MRPL3: variants seen among roughly 807,000 people sequenced by gnomAD.
MRPL3 encodes the protein mitochondrial ribosomal protein L3, also known as large ribosomal subunit protein uL3m.
A neutral mutation model predicts 44.3 loss-of-function variants in MRPL3; 43 were observed. That is an observed-to-expected ratio of 0.97 (90% CI 0.76 to 1.25). MRPL3 has a LOEUF of 1.25. Among genes scored for constraint, MRPL3 ranks in the 50% most tolerant of loss-of-function variants. MRPL3 has a pLI of 0.00. For synonymous variants in MRPL3, 171 were observed against 152.3 expected (o/e 1.12, Z -0.91); for missense variants, 406 against 427.6 (o/e 0.95, Z 0.45).
intron 7 of MRPL3, among the ~76,000 whole-genome samples, chr3:131,470,480 T>C (rs777195040): frequency 1.3e-5 from 2 of 152,192 alleles, no homozygotes; most frequent in African/African-American, 2.4e-5. Flanking sequence ...TACCTCATCA[T>C]GGCATTAGAT....
intron 4 of MRPL3, among the ~76,000 whole-genome samples, chr3:131,490,931 T>C (rs745749570): frequency 6.6e-5 from 10 of 152,224 alleles, no homozygotes; most frequent in Non-Finnish European, 1.5e-4. Flanking sequence ...CATACTTTTA[T>C]TAAAAGCACT....
At chr3:131,490,135 AATGC>A in intron 4 of MRPL3, 55 bp from the exon 5 acceptor site, 1 of 1,256,032 alleles carries the variant, frequency 8.0e-7, no homozygotes, top group Non-Finnish European at 1.2e-6. Context: ...AGTGGAATTA[AATGC>A]ATGGAGATCT....
Position 131,501,597 on chromosome 3 carries a change from C to G in MRPL3, c.211G>C (p.Ala71Pro). ...IKQLVSDEDKAQLASKLCPLK... is the reference protein window; with the variant it reads ...IKQLVSDEDKPQLASKLCPLK... Reference sequence around the variant, plus strand: ...GGACACAGTTTACTTGCTAATTGGGCTTTATCTTCATCAGAGACCAACTGC... The same window carrying G: ...GGACACAGTTTACTTGCTAATTGGGGTTTATCTTCATCAGAGACCAACTGC... Residue 71 changes from alanine (A) to proline (P), a missense_variant, in exon 2 of 10, where the codon GCC becomes CCC. Ala to Pro is a conservative substitution (Grantham distance 27). Coordinates refer to ENST00000264995, the MANE Select transcript of MRPL3 (RefSeq NM_007208.4). 6.2e-7 allele frequency: 1 copy of G among 1,612,346 alleles called. No homozygotes were observed. Among genetic ancestry groups the G allele is most frequent in the Non-Finnish European group, 8.5e-7 (1 of 1,179,980 alleles).
Position 131,475,171 on chromosome 3 carries a change from C to T in MRPL3, c.630-3892G>A, listed in dbSNP as rs1319797213. ...TATTTTTAACAGAGTGTTCCCTAAC[C>T]CCACCAACGTTAGCTATTATTATAT... is the stretch of plus-strand genomic sequence containing the variant. On this transcript the variant is annotated intron_variant, in intron 6 of 9. Transcript: ENST00000264995. 2.0e-5 allele frequency among the ~76,000 whole-genome samples: 3 copies of T among 151,892 alleles called. No homozygotes were observed. The East Asian group carries it at 5.8e-4, about 29-fold the overall frequency.
intron 4 of MRPL3, among the ~76,000 whole-genome samples, chr3:131,491,249 C>A (rs1204418813): frequency 2.0e-5 from 3 of 152,092 alleles, no homozygotes; most frequent in African/African-American, 7.2e-5. Context: ...GCTTGTCATT[C>A]ACCAAGGATC....
intron 3 of MRPL3, 21 bp downstream of exon 3, chr3:131,500,409 C>T (rs773127393): frequency 7.0e-6 from 11 of 1,577,466 alleles, no homozygotes; most frequent in Non-Finnish European, 7.8e-6. Flanking sequence ...ATATCTCTTA[C>T]GTCTTCTGTT....
At chr3:131,477,043 T>C (rs1933868080) in intron 6 of MRPL3, among the ~76,000 whole-genome samples, 1 of 152,236 alleles carries the variant, frequency 6.6e-6, no homozygotes, top group Non-Finnish European at 1.5e-5. Flanking sequence ...TATAAATCTC[T>C]AGAGATTCTT....
At position 131,462,689 on chromosome 3, in the gene MRPL3, C is replaced by A; in HGVS notation, c.*34G>T. The A allele has an allele frequency of 6.4e-7, 1 of 1,561,974 alleles. No individual in the cohort carries two copies. On this transcript the variant is annotated 3_prime_UTR_variant, in exon 10 of 10. Transcript: ENST00000264995. ...TATCACTCTGGCTCATCGAAGCTCA[C>A]AGAATATGTAAGGTTCTGCCACGTC...
chr3:131,482,317 C>T (rs1489320035), intron 6 of MRPL3, among the ~76,000 whole-genome samples: 4 of 151,914 alleles, frequency 2.6e-5, no homozygotes, highest in East Asian at 1.9e-4. Flanking sequence ...GAGATCGAGA[C>T]CATCCTGGCT....
intron 6 of MRPL3, among the ~76,000 whole-genome samples, chr3:131,473,248 G>A (rs1026122195): frequency 6.6e-6 from 1 of 152,068 alleles, no homozygotes; most frequent in Non-Finnish European, 1.5e-5. Context: ...AGAGAGCCCA[G>A]AAATTCACAC....
intron 8 of MRPL3, among the ~76,000 whole-genome samples, chr3:131,468,522 G>C (rs181626336): frequency 1.9e-4 from 29 of 152,128 alleles, no homozygotes; most frequent in Non-Finnish European, 3.5e-4. Flanking sequence ...CTAGAGGCTG[G>C]AGAAGCCACA....
At chr3:131,489,852 C>T (rs992982814) in intron 5 of MRPL3, 129 bp downstream of exon 5, 1 of 429,784 alleles carries the variant, frequency 2.3e-6, no homozygotes. Flanking sequence ...AAATGAGATA[C>T]AGTTTTGTAT....
At chr3:131,471,461 G>A (rs948655020) in intron 6 of MRPL3, 182 bp from the exon 7 acceptor site, 3 of 549,248 alleles carry the variant, frequency 5.5e-6, no homozygotes, top group Non-Finnish European at 9.7e-6. Context: ...CTCTGTCTTG[G>A]TCTGCACCCC....
At chr3:131,498,330 T>C (rs980109765) in intron 3 of MRPL3, 53 bp from the exon 4 acceptor site, 3 of 1,196,410 alleles carry the variant, frequency 2.5e-6, no homozygotes, top group Non-Finnish European at 3.7e-6. Flanking sequence ...TATTTTAACA[T>C]TACAAACCAG....
In MRPL3 at chr3:131,502,859, C is replaced by T; in HGVS notation, c.-38G>A. The T allele has an allele frequency of 6.3e-7, 1 of 1,589,048 alleles. No individual in the cohort carries two copies. The highest frequency in any genetic ancestry group is 8.6e-7 in the Non-Finnish European group (1 of 1,163,812). ...GAAGACTCGACTCACGACTTCCGGGCGCCCTGCCGCTCTGCTTTCAGGGAG... is the reference window on the plus strand; with the variant it reads ...GAAGACTCGACTCACGACTTCCGGGTGCCCTGCCGCTCTGCTTTCAGGGAG... On this transcript the variant is annotated 5_prime_UTR_variant, in exon 1 of 10. Transcript: ENST00000264995.
intron 4 of MRPL3, among the ~76,000 whole-genome samples, chr3:131,495,789 CT>C (rs1204917647): frequency 6.6e-6 from 1 of 152,086 alleles, no homozygotes; most frequent in East Asian, 1.9e-4. Flanking sequence ...CTCCCATGTA[CT>C]TTTTTTCTCC....
intron 6 of MRPL3, among the ~76,000 whole-genome samples, chr3:131,480,500 G>A (rs1049106484): frequency 6.6e-6 from 1 of 152,134 alleles, no homozygotes; most frequent in Non-Finnish European, 1.5e-5. Flanking sequence ...ATCAATAACT[G>A]GGAACATTTT....
At chr3:131,475,190 A>G (rs1933830023) in intron 6 of MRPL3, among the ~76,000 whole-genome samples, 1 of 152,198 alleles carries the variant, frequency 6.6e-6, no homozygotes, top group Non-Finnish European at 1.5e-5. Flanking sequence ...GTTAGCTATT[A>G]TTATATAGTG....
intron 6 of MRPL3, among the ~76,000 whole-genome samples, chr3:131,482,092 CTT>C (rs1291962461): frequency 6.6e-6 from 1 of 152,202 alleles, no homozygotes; most frequent in Non-Finnish European, 1.5e-5. Flanking sequence ...GTTTAAACAT[CTT>C]TGACTTTGGT....
Sources: gnomAD v4.1 joint callset for allele counts (sites outside exome capture counted in the v4.1 genomes callset) on GRCh38, gnomAD v4.1.1 for gene constraint, MANE v1.5 for transcripts, NCBI Gene and HGNC (gene_info 2026-07-23, HGNC 2026-07-21) for gene names.